Variants in VPS13B observed in about 807,000 individuals in gnomAD.
VPS13B encodes the protein intermembrane lipid transfer protein VPS13B.
In VPS13B, 285 loss-of-function variants were observed where a neutral mutation model predicts 426.4. The observed-to-expected ratio is 0.67, with a 90% CI of 0.61 to 0.74. The LOEUF (loss-of-function observed/expected upper bound fraction) is 0.74, where lower values mean the gene tolerates loss of function less well. Among genes scored for constraint, VPS13B ranks in the 30% least tolerant of loss-of-function variants. VPS13B has a pLI of 0.00. For missense variants in VPS13B, 4,537 were observed against 4,782.6 expected (o/e 0.95, Z 1.51); for synonymous variants, 1,676 against 1,676.4 (o/e 1.00, Z 0.01).
intron 2 of VPS13B, 134 bp downstream of exon 2, chr8:99,014,069 C>T (rs1841462290): frequency 3.0e-6 from 2 of 664,834 alleles, no homozygotes; most frequent in Non-Finnish European, 4.9e-6. Context: ...TACCCTGAAA[C>T]AAGGGGGCTT....
At chr8:99,254,773 G>A (rs1366568469) in intron 17 of VPS13B, among the ~76,000 whole-genome samples, 1 of 151,964 alleles carries the variant, frequency 6.6e-6, no homozygotes, top group African/African-American at 2.4e-5. Context: ...CTCTTGAGTA[G>A]CTGGGATGAC....
chr8:99,080,167 A>G (rs943572279), intron 3 of VPS13B, among the ~76,000 whole-genome samples: 2 of 151,722 alleles, frequency 1.3e-5, no homozygotes, highest in Non-Finnish European at 2.9e-5. Context: ...GTGTATTGCA[A>G]ATATATTCTG....
intron 30 of VPS13B, among the ~76,000 whole-genome samples, chr8:99,540,040 TATATATATATATATATATATA>T (rs1823498154): frequency 2.2e-4 from 1 of 4,608 alleles, no homozygotes; most frequent in African/African-American, 6.2e-4. Context: ...TATATATATA[TATATATATATATATATATATA>T]TATTTTTTTT....
intron 43 of VPS13B, among the ~76,000 whole-genome samples, chr8:99,795,768 C>G (rs1268120491): frequency 6.6e-6 from 1 of 152,202 alleles, no homozygotes; most frequent in Non-Finnish European, 1.5e-5. Context: ...CTCAGCACTC[C>G]ACTACAGGGA....
intron 19 of VPS13B, among the ~76,000 whole-genome samples, chr8:99,329,588 T>C (rs1810450854): frequency 6.6e-6 from 1 of 152,024 alleles, no homozygotes; most frequent in African/African-American, 2.4e-5. Flanking sequence ...TCTTTTTGAG[T>C]GTAATTTCCA....
chr8:99,074,638 G>C (rs7341678), intron 3 of VPS13B, among the ~76,000 whole-genome samples: 1 of 151,828 alleles, frequency 6.6e-6, no homozygotes. Flanking sequence ...CAGGTATTTT[G>C]TTGTTATTGT....
chr8:99,477,462 A>G (rs1045274865), intron 24 of VPS13B, among the ~76,000 whole-genome samples: 2 of 152,254 alleles, frequency 1.3e-5, no homozygotes, highest in Non-Finnish European at 2.9e-5. Flanking sequence ...TCAGAATATT[A>G]TATAGACCCA....
chr8:99,572,534 A>C (rs1825532761), intron 31 of VPS13B, among the ~76,000 whole-genome samples: 1 of 149,896 alleles, frequency 6.7e-6, no homozygotes, highest in Admixed American at 6.7e-5. Context: ...ATTCCCACCT[A>C]TGAGTGAGAA....
chr8:99,819,408 CTAGAGAAGAATATGATCCTTCAGA>C lies in VPS13B; in HGVS notation c.8622-2_8643del. 6.2e-7 allele frequency: 1 copy of C among 1,613,298 alleles called. No homozygotes were observed. Among genetic ancestry groups the C allele is most frequent in the Non-Finnish European group, 8.5e-7 (1 of 1,179,514 alleles). On this transcript the variant is annotated splice_acceptor_variant and splice_polypyrimidine_tract_variant and coding_sequence_variant and intron_variant, in exon 48 of 62. Transcript: ENST00000357162. LOFTEE classifies it high-confidence loss of function. ...TATTCTTGGTTTTTATTTCAATTTC[CTAGAGAAGAATATGATCCTTCAGA>C]TTGTGCAGTTCCCATCTCAACATCC...
chr8:99,666,555 A>C (rs1360445304), intron 35 of VPS13B, among the ~76,000 whole-genome samples: 1 of 152,200 alleles, frequency 6.6e-6, no homozygotes, highest in Non-Finnish European at 1.5e-5. Flanking sequence ...CAAAGACAAA[A>C]ACCACATGAT....
At chr8:99,494,160 C>T (rs918305537) in intron 25 of VPS13B, among the ~76,000 whole-genome samples, 1 of 152,054 alleles carries the variant, frequency 6.6e-6, no homozygotes, top group African/African-American at 2.4e-5. Context: ...ATATACACAA[C>T]ATAAAATGTA....
At chr8:99,824,099 C>A (rs1814530903) in intron 51 of VPS13B, 121 bp downstream of exon 51, 1 of 1,248,814 alleles carries the variant, frequency 8.0e-7, no homozygotes, top group Non-Finnish European at 1.1e-6. Context: ...AAGAGAAATT[C>A]ACTTATTTTT....
intron 8 of VPS13B, among the ~76,000 whole-genome samples, chr8:99,133,354 C>T (rs928172800): frequency 2.6e-5 from 4 of 152,198 alleles, no homozygotes; most frequent in African/African-American, 9.7e-5. Flanking sequence ...CTGGATTCAG[C>T]CTTGGCTTAA....
chr8:99,503,289 A>ATGAGTCATAATCTTGTTGC (rs1245324834), intron 27 of VPS13B, among the ~76,000 whole-genome samples: 11 of 152,232 alleles, frequency 7.2e-5, no homozygotes, highest in African/African-American at 2.7e-4. Context: ...TGAGCATTCA[A>ATGAGTCATAATCTTGTTGC]TGAGTCATAA....
At chr8:99,706,721 T>G (rs1332029202) in intron 36 of VPS13B, among the ~76,000 whole-genome samples, 1 of 152,162 alleles carries the variant, frequency 6.6e-6, no homozygotes. Flanking sequence ...CCCTAATAAT[T>G]AAGTACTAGA....
At chr8:99,510,897 C>T (rs1344971896) in intron 28 of VPS13B, among the ~76,000 whole-genome samples, 3 of 152,176 alleles carry the variant, frequency 2.0e-5, no homozygotes, top group East Asian at 1.9e-4. Context: ...AACTGGAACT[C>T]AGGATTCCCA....
chr8:99,253,507 A>T (rs1380180701), intron 17 of VPS13B, among the ~76,000 whole-genome samples: 2 of 152,108 alleles, frequency 1.3e-5, no homozygotes, highest in African/African-American at 4.8e-5. Context: ...TTCTCTTTTT[A>T]TTATAACCAT....
chr8:99,413,540 T>A (rs1223009367), intron 21 of VPS13B, among the ~76,000 whole-genome samples: 1 of 152,208 alleles, frequency 6.6e-6, no homozygotes, highest in Non-Finnish European at 1.5e-5. Context: ...TTATTTTCGA[T>A]CTTTTCTGCT....
chr8:99,662,453 T>C (rs1049780467), intron 35 of VPS13B, among the ~76,000 whole-genome samples: 1 of 151,960 alleles, frequency 6.6e-6, no homozygotes, highest in African/African-American at 2.4e-5. Flanking sequence ...TATTTATTTA[T>C]TTATTTATTT....
Sources: allele counts gnomAD v4.1 joint callset (sites outside exome capture counted in the v4.1 genomes callset), GRCh38; gene constraint gnomAD v4.1.1; transcripts MANE v1.5; gene names NCBI Gene and HGNC (gene_info 2026-07-23, HGNC 2026-07-21).